Variants in B3GALT1 observed in about 807,000 individuals in gnomAD.
B3GALT1 encodes UDP-Gal:betaGlcNAc beta 1,3-galactosyltransferase, polypeptide 1.
A neutral mutation model predicts 23.2 loss-of-function variants in B3GALT1; 10 were observed. The ratio of observed to expected loss-of-function variants is 0.43; its 90% CI spans 0.27 to 0.73. The LOEUF (loss-of-function observed/expected upper bound fraction) is 0.73, where lower values mean the gene tolerates loss of function less well. Among genes scored for constraint, B3GALT1 ranks in the 30% least tolerant of loss-of-function variants. The probability of loss-of-function intolerance (pLI) is 0.21; values close to 1 mark genes in which losing one functional copy is unlikely to be tolerated. For synonymous variants in B3GALT1, 156 were observed against 141.5 expected, an observed-to-expected ratio of 1.10 and a Z score of -0.73; for missense variants, 299 against 405.4, an observed-to-expected ratio of 0.74 and a Z score of 2.25.
intron 3 of B3GALT1, among the ~76,000 whole-genome samples, chr2:167,736,113 G>C (rs1209260268): frequency 6.6e-6 from 1 of 152,138 alleles, no homozygotes; most frequent in Non-Finnish European, 1.5e-5. Flanking sequence ...GAAATTTCAG[G>C]ATCTGAACCA....
At chr2:167,349,524 G>A (rs756886416) in intron 1 of B3GALT1, among the ~76,000 whole-genome samples, 5 of 152,120 alleles carry the variant, frequency 3.3e-5, no homozygotes, top group Non-Finnish European at 5.9e-5. Context: ...ATTGTATGCC[G>A]AGGTTGTTGA....
intron 1 of B3GALT1, among the ~76,000 whole-genome samples, chr2:167,388,810 C>T (rs1191733274): frequency 6.6e-6 from 1 of 152,146 alleles, no homozygotes; most frequent in Non-Finnish European, 1.5e-5. Flanking sequence ...GTCTTGAGAA[C>T]TTCTGTACTA....
At chr2:167,826,664 G>T (rs1235567089) in intron 4 of B3GALT1, among the ~76,000 whole-genome samples, 2 of 152,180 alleles carry the variant, frequency 1.3e-5, no homozygotes, top group Non-Finnish European at 2.9e-5. Flanking sequence ...TGGCACATAT[G>T]AATCAGCCCA....
intron 3 of B3GALT1, among the ~76,000 whole-genome samples, chr2:167,652,128 C>T (rs748053286): frequency 1.4e-4 from 21 of 152,214 alleles, no homozygotes; most frequent in East Asian, 3.9e-4. Context: ...ACCTTGAAGC[C>T]GTTGACAGAG....
intron 3 of B3GALT1, among the ~76,000 whole-genome samples, chr2:167,775,965 A>AGGTT (rs1288453673): frequency 6.6e-6 from 1 of 151,716 alleles, no homozygotes; most frequent in Non-Finnish European, 1.5e-5. Flanking sequence ...AATACACCAC[A>AGGTT]GTACCCCAAA....
At chr2:167,534,193 C>G (rs1683377808) in intron 2 of B3GALT1, among the ~76,000 whole-genome samples, 1 of 152,134 alleles carries the variant, frequency 6.6e-6, no homozygotes, top group African/African-American at 2.4e-5. Context: ...TAGCCCTTAA[C>G]TCCGAAGACA....
At chr2:167,833,080 C>G (rs1166290668) in intron 4 of B3GALT1, among the ~76,000 whole-genome samples, 1 of 152,144 alleles carries the variant, frequency 6.6e-6, no homozygotes, top group Non-Finnish European at 1.5e-5. Flanking sequence ...AGGGGCAATG[C>G]GTAATTTCTC....
intron 2 of B3GALT1, among the ~76,000 whole-genome samples, chr2:167,557,354 C>T (rs1373161276): frequency 6.6e-6 from 1 of 152,056 alleles, no homozygotes; most frequent in Non-Finnish European, 1.5e-5. Flanking sequence ...CAACTAAAAC[C>T]TTATCATTTT....
intron 1 of B3GALT1, among the ~76,000 whole-genome samples, chr2:167,344,433 TATGGTA>T (rs1355626219): frequency 6.6e-6 from 1 of 152,176 alleles, no homozygotes; most frequent in African/African-American, 2.4e-5. Context: ...TCTCCCTTCT[TATGGTA>T]ATCAAACACT....
chr2:167,451,378 A>C (rs969638855), intron 1 of B3GALT1, among the ~76,000 whole-genome samples: 1 of 152,154 alleles, frequency 6.6e-6, no homozygotes, highest in Non-Finnish European at 1.5e-5. Flanking sequence ...TTTTTGTCCC[A>C]TGGAGTATTT....
At chr2:167,310,231 T>C (rs1279484211) in intron 1 of B3GALT1, among the ~76,000 whole-genome samples, 2 of 152,170 alleles carry the variant, frequency 1.3e-5, no homozygotes, top group Non-Finnish European at 2.9e-5. Context: ...CAGGGCACAT[T>C]ATTTTCACTA....
At chr2:167,451,641 T>A (rs1368680978) in intron 1 of B3GALT1, among the ~76,000 whole-genome samples, 5 of 152,140 alleles carry the variant, frequency 3.3e-5, no homozygotes, top group South Asian at 4.1e-4. Context: ...TAGTTTTGGT[T>A]GTTTAATCCT....
intron 3 of B3GALT1, among the ~76,000 whole-genome samples, chr2:167,650,696 T>C (rs1442688156): frequency 6.6e-6 from 1 of 152,082 alleles, no homozygotes; most frequent in Non-Finnish European, 1.5e-5. Context: ...CTCAATCTCT[T>C]GTTATAGGTC....
chr2:167,860,846 A>C (rs1690084648), intron 4 of B3GALT1, among the ~76,000 whole-genome samples: 1 of 151,822 alleles, frequency 6.6e-6, no homozygotes, highest in African/African-American at 2.4e-5. Flanking sequence ...GGTCTTAGGA[A>C]AAGAATCTCA....
rs1180795970 is a variant in B3GALT1, at chr2:167,869,214, A to G, written c.175A>G (p.Asn59Asp). The G allele has an allele frequency of 6.2e-7, 1 of 1,614,204 alleles. No homozygotes were observed. Among genetic ancestry groups the G allele is most frequent in the Non-Finnish European group, 8.5e-7 (1 of 1,180,020 alleles). ...TFGNIRTRPINPHSFEFLINE... is the reference protein window; with the variant it reads ...TFGNIRTRPIDPHSFEFLINE... ...TGGCAACATAAGAACTCGACCTATC[A>G]ACCCACATTCTTTTGAATTTCTTAT... Residue 59 changes from asparagine to aspartate, a missense_variant, in exon 5 of 5, where the codon AAC becomes GAC. Physicochemically the swap from Asn to Asp is conservative, Grantham distance 23. Around this residue, in one of 3 missense-constraint regions of B3GALT1, gnomAD observed 162 missense variants for 184.1 expected, o/e 0.88. Transcript: ENST00000392690. This position sits in a 1 kb window ranked among gnomAD's most constrained non-coding sequence, Gnocchi z 6.4.
chr2:167,415,704 G>A (rs1698458589), intron 1 of B3GALT1, among the ~76,000 whole-genome samples: 1 of 152,160 alleles, frequency 6.6e-6, no homozygotes, highest in South Asian at 2.1e-4. Flanking sequence ...TAGAAATAGG[G>A]ACAGCAAAGA....
intron 1 of B3GALT1, among the ~76,000 whole-genome samples, chr2:167,408,807 A>AAAAAAAAAAAAAC (rs1559087681): frequency 7.2e-6 from 1 of 138,076 alleles, no homozygotes; most frequent in African/African-American, 2.7e-5. Context: ...ACAAAAAAAA[A>AAAAAAAAAAAAAC]AAAAAACAAA....
chr2:167,716,703 T>A (rs571854026), intron 3 of B3GALT1, among the ~76,000 whole-genome samples: 1 of 152,358 alleles, frequency 6.6e-6, no homozygotes, highest in Admixed American at 6.5e-5. Flanking sequence ...TGCATAAGCC[T>A]GACATTTTTT....
chr2:167,783,366 A>G (rs573972566), intron 3 of B3GALT1, among the ~76,000 whole-genome samples: 1 of 152,274 alleles, frequency 6.6e-6, no homozygotes, highest in East Asian at 1.9e-4. Context: ...GTAAAAGCTG[A>G]GAGTCCATGC....
Sources: gnomAD v4.1 joint callset for allele counts (sites outside exome capture counted in the v4.1 genomes callset) on GRCh38, gnomAD v4.1.1 for gene constraint, gnomAD v4.1.1 regional missense constraint, Gnocchi (gnomAD v3.1) non-coding constraint, MANE v1.5 for transcripts, NCBI Gene and HGNC (gene_info 2026-07-23, HGNC 2026-07-21) for gene names.